The following ANKRD42 variants were observed in gnomAD, a reference collection of about 807,000 sequenced individuals.
ANKRD42 encodes ankyrin repeat domain-containing protein 42.
In ANKRD42, 43 loss-of-function variants were observed where a neutral mutation model predicts 51.5. That is an observed-to-expected ratio of 0.83 (90% CI 0.65 to 1.08). The LOEUF (loss-of-function observed/expected upper bound fraction) is 1.08, where lower values mean the gene tolerates loss of function less well. Among genes scored for constraint, ANKRD42 ranks in the 50% least tolerant of loss-of-function variants. The pLI is 0.00. For missense variants in ANKRD42, 608 were observed against 629.3 expected (o/e 0.97, Z 0.36); for synonymous variants, 203 against 213.0 (o/e 0.95, Z 0.41).
chr11:83,233,948 G>T (rs1202806721), intron 7 of ANKRD42, among the ~76,000 whole-genome samples: 1 of 152,232 alleles, frequency 6.6e-6, no homozygotes, highest in Non-Finnish European at 1.5e-5. Context: ...CTCCCGAAGT[G>T]CTGGGATTAC....
chr11:83,196,834 G>A (rs1861676624), intron 1 of ANKRD42, among the ~76,000 whole-genome samples: 1 of 152,174 alleles, frequency 6.6e-6, no homozygotes, highest in Admixed American at 6.5e-5. Context: ...CCAAATTATG[G>A]GAGGCCATAG....
At chr11:83,206,265 A>G (rs1406921541) in intron 3 of ANKRD42, 100 bp downstream of exon 3, 1 of 1,006,898 alleles carries the variant, frequency 9.9e-7, no homozygotes, top group African/African-American at 1.6e-5. Flanking sequence ...ATTTAGTTTT[A>G]TGTTCTAAAC....
At chr11:83,257,191 C>T, downstream of ANKRD42, 1 of 388,054 alleles carries the variant, frequency 2.6e-6, no homozygotes, top group South Asian at 1.9e-5. Flanking sequence ...AGTTCTGATA[C>T]TAGGTCAAAA....
At chr11:83,229,639 A>G (rs1056916433) in intron 7 of ANKRD42, among the ~76,000 whole-genome samples, 2 of 152,210 alleles carry the variant, frequency 1.3e-5, no homozygotes, top group Non-Finnish European at 2.9e-5. Context: ...AGACTGTTCT[A>G]CAACAACAAG....
chr11:83,263,402 C>G (rs548663057), downstream of ANKRD42, among the ~76,000 whole-genome samples: 1 of 152,264 alleles, frequency 6.6e-6, no homozygotes, highest in East Asian at 1.9e-4. Context: ...ACAATTGGAG[C>G]CATCTCCAAT....
intron 3 of ANKRD42, chr11:83,209,590 T>G: frequency 1.1e-6 from 1 of 900,932 alleles, no homozygotes; most frequent in Non-Finnish European, 1.9e-6. Context: ...AACCAGAACC[T>G]CACATATTGC....
intron 5 of ANKRD42, among the ~76,000 whole-genome samples, chr11:83,215,834 T>G (rs1255074013): frequency 2.6e-5 from 4 of 152,154 alleles, no homozygotes; most frequent in Non-Finnish European, 5.9e-5. Context: ...CTTGCTCTGC[T>G]ACCCAGGCTG....
intron 10 of ANKRD42, 131 bp downstream of exon 10, chr11:83,245,755 G>A: frequency 9.9e-7 from 1 of 1,013,942 alleles, no homozygotes. Context: ...TTTCTCCTAA[G>A]CCCTTAGATG....
Position 83,194,792 on chromosome 11 carries a change from A to G in ANKRD42, c.58+64A>G. The G allele has an allele frequency of 3.4e-6, 5 of 1,478,272 alleles. No homozygotes were observed. In the East Asian group the frequency reaches 1.1e-4, roughly 34 times the overall value. 91.6% of individuals were successfully genotyped at this position (1,478,272 alleles called of 1,614,324 possible). A position where few individuals can be genotyped will look rare whatever the true frequency, so the allele number is the denominator to read the frequency against. On this transcript the variant is annotated intron_variant, in intron 1 of 10. Transcript: ENST00000533342. ...TCCTTTTCTCACTTAAGCCCGCAAC[A>G]GCCTTAGCCCTTTCTGGCATTTCCT...
intron 9 of ANKRD42, among the ~76,000 whole-genome samples, chr11:83,241,155 A>G (rs920298857): frequency 6.6e-6 from 1 of 152,240 alleles, no homozygotes; most frequent in Non-Finnish European, 1.5e-5. Flanking sequence ...GGAAAGTTAT[A>G]TAAGAAAATA....
At chr11:83,263,441 T>C (rs566972589), downstream of ANKRD42, among the ~76,000 whole-genome samples, 1 of 152,342 alleles carries the variant, frequency 6.6e-6, no homozygotes, top group African/African-American at 2.4e-5. Flanking sequence ...TTATCCTCTA[T>C]ACCCTGTCTA....
rs2135503301 is a variant in ANKRD42 at position 83,211,391 on chromosome 11, TG to T, written c.548del (p.Cys183LeufsTer3). 1 of 1,614,238 alleles carries T rather than the reference TG, an allele frequency of 6.2e-7. No individual in the cohort carries two copies. On this transcript the variant is annotated frameshift_variant, in exon 5 of 11. Transcript: ENST00000533342. LOFTEE classifies it high-confidence loss of function. ...GCLQLLVKWG[C>X]SIEDVDYNGN... Reference sequence around the variant, plus strand: ...CTTGCAACTTCTTGTTAAATGGGGTTGTAGCATAGAAGATGTGGACTACAAT... The same window carrying T: ...CTTGCAACTTCTTGTTAAATGGGGTTTAGCATAGAAGATGTGGACTACAAT...
At chr11:83,244,749 C>T (rs1196757559) in intron 9 of ANKRD42, among the ~76,000 whole-genome samples, 1 of 152,180 alleles carries the variant, frequency 6.6e-6, no homozygotes, top group Non-Finnish European at 1.5e-5. Context: ...CAATGTACTT[C>T]CTTCTCTTAC....
At chr11:83,218,087 G>C (rs945531242) in intron 5 of ANKRD42, among the ~76,000 whole-genome samples, 1 of 152,194 alleles carries the variant, frequency 6.6e-6, no homozygotes, top group African/African-American at 2.4e-5. Context: ...TGGCCTTCCA[G>C]GGAATCTGGA....
In ANKRD42 at chr11:83,224,925, G is replaced by C. The variant is rs145591736; in HGVS notation, c.657G>C (p.Thr219=). 6.2e-7 allele frequency: 1 copy of C among 1,612,860 alleles called. No homozygotes were observed. The highest frequency in any genetic ancestry group is 1.3e-5 in the African/African-American group (1 of 74,864). Residue 219 remains threonine, a synonymous_variant, in exon 6 of 11, where the codon ACG becomes ACC. Transcript: ENST00000533342. ...KFLVSRMSSA[T]QVLKAFNDNG... is the part of the protein sequence containing the mutation. ...TAGTCAGTAGAATGAGCAGTGCGAC[G>C]CAAGTTTTAAAAGCTTTCAATGATA...
At chr11:83,233,942 C>T (rs908541178) in intron 7 of ANKRD42, among the ~76,000 whole-genome samples, 3 of 152,216 alleles carry the variant, frequency 2.0e-5, no homozygotes, top group Non-Finnish European at 2.9e-5. Context: ...TTTGGCCTCC[C>T]GAAGTGCTGG....
intron 5 of ANKRD42, chr11:83,212,837 C>A: frequency 7.0e-7 from 1 of 1,434,760 alleles, no homozygotes; most frequent in Non-Finnish European, 9.1e-7. Context: ...TTGGTATGAA[C>A]TCTTTCAATT....
Position 83,248,751 on chromosome 11 carries a change from A to G in ANKRD42, c.*547A>G, listed in dbSNP as rs1335384212. On this transcript the variant is annotated 3_prime_UTR_variant, in exon 11 of 11. Coordinates refer to ENST00000533342, the MANE Select transcript of ANKRD42 (RefSeq NM_001300975.2). ...TAAAACATGTTTGTTGTATAGTGTT[A>G]AAAACAAGATAGATGTTCCTTCTGA... The G allele has an allele frequency of 1.0e-6, 1 of 976,106 alleles. No individual in the cohort carries two copies. The highest frequency in any genetic ancestry group is 1.2e-6 in the Non-Finnish European group (1 of 821,566). 60.5% of individuals were successfully genotyped at this position (976,106 alleles called of 1,614,324 possible). A position where few individuals can be genotyped will look rare whatever the true frequency, so the allele number is the denominator to read the frequency against.
rs544841524 is a variant in ANKRD42 at position 83,248,573 on chromosome 11, T to G, written c.*369T>G. 1.0e-6 allele frequency: 1 copy of G among 990,958 alleles called. No individual in the cohort carries two copies. The highest frequency in any genetic ancestry group is 4.7e-5 in the South Asian group (1 of 21,362). 61.4% of individuals were successfully genotyped at this position (990,958 alleles called of 1,614,324 possible). ...TATTTTCTTTCCATAGGGAAGTTTC[T>G]TCATCAATCATCATGGATGAATTAA... On this transcript the variant is annotated 3_prime_UTR_variant, in exon 11 of 11. Coordinates refer to ENST00000533342, the MANE Select transcript of ANKRD42 (RefSeq NM_001300975.2).
Sources: gnomAD v4.1 joint callset for allele counts (sites outside exome capture counted in the v4.1 genomes callset) on GRCh38, gnomAD v4.1.1 for gene constraint, MANE v1.5 for transcripts, NCBI Gene and HGNC (gene_info 2026-07-23, HGNC 2026-07-21) for gene names.